The following AGT variants were observed in gnomAD, a reference collection of about 807,000 sequenced individuals.
The protein encoded by AGT is angiotensinogen, also known as alpha-1 antiproteinase, antitrypsin.
Under a neutral mutation model 28.1 loss-of-function variants are expected in AGT, and 26 were observed. The ratio of observed to expected loss-of-function variants is 0.92; its 90% CI spans 0.68 to 1.28. The LOEUF is 1.28. AGT is among the 50% of genes most tolerant of loss of function. The pLI is 0.00. For synonymous variants in AGT, 259 were observed against 259.6 expected (o/e 1.00, Z 0.02); for missense variants, 596 against 592.3 (o/e 1.01, Z -0.06).
Position 230,710,173 on chromosome 1 carries a change from G to C in AGT, c.651C>G (p.Gly217=). 6.2e-7 allele frequency: 1 copy of C among 1,614,098 alleles called. No individual in the cohort carries two copies. The highest frequency in any genetic ancestry group is 2.2e-5 in the East Asian group (1 of 44,884). The change falls in exon 2 of 5, where the codon GGC becomes GGG. Residue 217 remains glycine, a synonymous_variant. Coordinates refer to ENST00000366667, the MANE Select transcript of AGT (RefSeq NM_001384479.1). ...GLHLKQPFVQ[G]LALYTPVVLP... Reference sequence around the variant, plus strand: ...GGACCACAGGGGTATAGAGAGCCAGGCCCTGCACAAACGGCTGCTTCAGGT... The same window carrying C: ...GGACCACAGGGGTATAGAGAGCCAGCCCCTGCACAAACGGCTGCTTCAGGT...
intron 1 of AGT, among the ~76,000 whole-genome samples, chr1:230,738,270 C>T (rs1202111210): frequency 6.6e-6 from 1 of 152,236 alleles, no homozygotes; most frequent in East Asian, 1.9e-4. Context: ...GAGGACCTGT[C>T]ACACTTTTCC....
In AGT at chr1:230,706,004, A is replaced by G. The variant is rs1663373980; in HGVS notation, c.1026T>C (p.Ser342=). Reference sequence around the variant, plus strand: ...TGAGACCCTCCACCTTGTCCAGGTCAGAGGCATAGTGAGGCTGGATCAGCA... The same window carrying G: ...TGAGACCCTCCACCTTGTCCAGGTCGGAGGCATAGTGAGGCTGGATCAGCA... ...CLLLIQPHYA[S]DLDKVEGLTF... is the part of the protein sequence containing the mutation. The change falls in exon 3 of 5, where the codon TCT becomes TCC. Residue 342 remains serine (S), a synonymous_variant. Transcript: ENST00000366667. 8.7e-6 allele frequency: 14 copies of G among 1,614,188 alleles called. No individual in the cohort carries two copies. The highest frequency in any genetic ancestry group is 1.1e-5 in the Non-Finnish European group (13 of 1,180,010).
chr1:230,710,176 C>T lies in AGT; in HGVS notation c.648G>A (p.Gln216=). ...CCACAGGGGTATAGAGAGCCAGGCC[C>T]TGCACAAACGGCTGCTTCAGGTGCA... The part of the protein sequence containing the change: ...PGLHLKQPFV[Q]GLALYTPVVL... The change falls in exon 2 of 5, where the codon CAG becomes CAA. Residue 216 remains glutamine (Q), a synonymous_variant. Transcript: ENST00000366667. The T allele has an allele frequency of 6.2e-7, 1 of 1,614,092 alleles. No homozygotes were observed. Among genetic ancestry groups the T allele is most frequent in the Non-Finnish European group, 8.5e-7 (1 of 1,180,028 alleles).
chr1:230,733,937 A>T (rs1001302910), intron 1 of AGT, among the ~76,000 whole-genome samples: 2 of 152,138 alleles, frequency 1.3e-5, no homozygotes, highest in African/African-American at 2.4e-5. Context: ...CCGGGCCCAG[A>T]TGACAGTCCA....
At chr1:230,716,783 TCTGG>T (rs1335826462), upstream of AGT, among the ~76,000 whole-genome samples, 2 of 152,058 alleles carry the variant, frequency 1.3e-5, no homozygotes, top group African/African-American at 4.8e-5. Flanking sequence ...TTACCCAGTC[TCTGG>T]TATGTCTTTA....
At chr1:230,717,606 G>A (rs1428984257), upstream of AGT, among the ~76,000 whole-genome samples, 1 of 152,170 alleles carries the variant, frequency 6.6e-6, no homozygotes, top group African/African-American at 2.4e-5. Flanking sequence ...ATCATGCCTT[G>A]GAAGAGGCAT....
chr1:230,719,805 T>G (rs546231425), intron 1 of AGT, among the ~76,000 whole-genome samples: 5 of 152,092 alleles, frequency 3.3e-5, no homozygotes, highest in Non-Finnish European at 7.4e-5. Flanking sequence ...CCTCTATCAA[T>G]GTCAACATTA....
intron 2 of AGT, among the ~76,000 whole-genome samples, chr1:230,709,055 C>T (rs759152564): frequency 9.9e-5 from 15 of 152,206 alleles, no homozygotes; most frequent in Admixed American, 2.6e-4. Context: ...GCCTGCTCTC[C>T]GCTCCCCAGT....
At chr1:230,703,376 A>G (rs775451108) in intron 4 of AGT, 47 bp from the exon 5 acceptor site, 2 of 1,610,268 alleles carry the variant, frequency 1.2e-6, no homozygotes, top group African/African-American at 1.3e-5. Flanking sequence ...GCACTGGGTG[A>G]CCCAGGGTGC....
intron 1 of AGT, among the ~76,000 whole-genome samples, chr1:230,711,853 A>G (rs1663601200): frequency 6.6e-6 from 1 of 150,568 alleles, no homozygotes; most frequent in South Asian, 2.1e-4. Flanking sequence ...TTCTCAGGTG[A>G]CTCTGATATG....
At chr1:230,720,009 T>A (rs1663813230) in intron 1 of AGT, among the ~76,000 whole-genome samples, 2 of 152,056 alleles carry the variant, frequency 1.3e-5, no homozygotes, top group Non-Finnish European at 2.9e-5. Context: ...GGGCATAATT[T>A]TATTAGAAAA....
intron 1 of AGT, among the ~76,000 whole-genome samples, chr1:230,732,680 A>G (rs1571986968): frequency 6.6e-6 from 1 of 152,232 alleles, no homozygotes; most frequent in South Asian, 2.1e-4. Flanking sequence ...ATAAAATGTT[A>G]CTAAGAAAAT....
chr1:230,718,278 A>G (rs1663778453), upstream of AGT, among the ~76,000 whole-genome samples: 1 of 152,000 alleles, frequency 6.6e-6, no homozygotes, highest in South Asian at 2.1e-4. Context: ...TTTTTATTGT[A>G]TTTATATAAG....
intron 1 of AGT, among the ~76,000 whole-genome samples, chr1:230,735,222 T>G (rs112247369): frequency 6.6e-6 from 1 of 151,986 alleles, no homozygotes; most frequent in Non-Finnish European, 1.5e-5. Context: ...TTCCACTACC[T>G]CCCAGAGCAT....
At chr1:230,707,309 C>T (rs183398495) in intron 2 of AGT, among the ~76,000 whole-genome samples, 5 of 152,314 alleles carry the variant, frequency 3.3e-5, no homozygotes, top group Admixed American at 3.3e-4. Flanking sequence ...GCCTATTCTG[C>T]GGTTGTTCTT....
intron 1 of AGT, among the ~76,000 whole-genome samples, chr1:230,740,057 T>G (rs539680443): frequency 6.6e-6 from 1 of 152,202 alleles, no homozygotes; most frequent in Non-Finnish European, 1.5e-5. Context: ...GGATTATTCA[T>G]GAGTTTACCA....
intron 1 of AGT, among the ~76,000 whole-genome samples, chr1:230,729,448 C>T (rs1664011180): frequency 6.6e-6 from 1 of 152,224 alleles, no homozygotes; most frequent in Non-Finnish European, 1.5e-5. Flanking sequence ...TCCTCTCTTT[C>T]AAATGTATAT....
At chr1:230,727,066 A>G (rs942311743) in intron 1 of AGT, among the ~76,000 whole-genome samples, 1 of 152,200 alleles carries the variant, frequency 6.6e-6, no homozygotes, top group African/African-American at 2.4e-5. Context: ...GAGGATATGA[A>G]TGGTGGGATG....
intron 1 of AGT, among the ~76,000 whole-genome samples, chr1:230,728,717 AC>A (rs1375342245): frequency 1.3e-5 from 2 of 152,160 alleles, no homozygotes; most frequent in Non-Finnish European, 2.9e-5. Flanking sequence ...ACAGCAGCAT[AC>A]AGAGAAGGGG....
Sources: gnomAD v4.1 joint callset for allele counts (sites outside exome capture counted in the v4.1 genomes callset) on GRCh38, gnomAD v4.1.1 for gene constraint, MANE v1.5 for transcripts, NCBI Gene and HGNC (gene_info 2026-07-23, HGNC 2026-07-21) for gene names.